Variants in NTM observed in about 807,000 individuals in gnomAD.
The protein encoded by NTM is IgLON family member 2.
Under a neutral mutation model 42.1 loss-of-function variants are expected in NTM, and 13 were observed. That is an observed-to-expected ratio of 0.31 (90% CI 0.20 to 0.49). The LOEUF is 0.49. Ranked by LOEUF, NTM falls within the 20% of genes least tolerant of loss-of-function variation. NTM has a pLI of 0.99. For missense variants in NTM, 373 were observed against 452.8 expected (o/e 0.82, Z 1.60); for synonymous variants, 187 against 179.2 (o/e 1.04, Z -0.35).
chr11:132,318,990 G>A (rs931451294), intron 7 of NTM, among the ~76,000 whole-genome samples: 1 of 152,198 alleles, frequency 6.6e-6, no homozygotes, highest in Non-Finnish European at 1.5e-5. Context: ...TGAGCCACAA[G>A]CAAGAAAATG....
chr11:131,752,580 A>G (rs1255070412), intron 1 of NTM, among the ~76,000 whole-genome samples: 1 of 152,336 alleles, frequency 6.6e-6, no homozygotes, highest in East Asian at 1.9e-4. Flanking sequence ...CTATAAAGAC[A>G]CATGCACATG....
chr11:131,752,707 G>T (rs1021907316), intron 1 of NTM, among the ~76,000 whole-genome samples: 1 of 152,108 alleles, frequency 6.6e-6, no homozygotes, highest in Non-Finnish European at 1.5e-5. Flanking sequence ...GCTGAAACTG[G>T]ATCCCTTCCT....
At chr11:131,512,789 C>T (rs2136474138) in intron 1 of NTM, among the ~76,000 whole-genome samples, 1 of 152,312 alleles carries the variant, frequency 6.6e-6, no homozygotes, top group East Asian at 1.9e-4. Flanking sequence ...GACCAAGATC[C>T]ATGACGAGGA....
At chr11:131,525,960 C>G (rs888722507) in intron 1 of NTM, among the ~76,000 whole-genome samples, 5 of 152,172 alleles carry the variant, frequency 3.3e-5, no homozygotes, top group Non-Finnish European at 4.4e-5. Flanking sequence ...TGTCTCATGG[C>G]TCCATTCAGA....
chr11:131,469,524 G>C (rs2136167960), intron 1 of NTM, among the ~76,000 whole-genome samples: 1 of 152,300 alleles, frequency 6.6e-6, no homozygotes, highest in Non-Finnish European at 1.5e-5. Flanking sequence ...ATAACTGACT[G>C]CAGATCAGGA....
rs1290567936 is a variant in NTM at position 131,487,423 on chromosome 11, A to G, written c.82+116535A>G. ...CAATGAAGGAAATTATGACTCAGATAAGCTAATTGATTGGTTAAAGGTTAC... is the reference window on the plus strand; with the variant it reads ...CAATGAAGGAAATTATGACTCAGATGAGCTAATTGATTGGTTAAAGGTTAC... On this transcript the variant is annotated intron_variant, in intron 1 of 8. Transcript: ENST00000683400. 2.0e-5 allele frequency among the ~76,000 whole-genome samples: 3 copies of G among 152,312 alleles called. No individual in the cohort carries two copies. In the South Asian group the frequency reaches 6.2e-4, roughly 32 times the overall value.
At chr11:131,421,662 C>A (rs1045257755) in intron 1 of NTM, among the ~76,000 whole-genome samples, 28 of 152,324 alleles carry the variant, frequency 1.8e-4, no homozygotes, top group African/African-American at 6.0e-4. Context: ...AGAACTGTCT[C>A]CTATATCCTA....
intron 1 of NTM, among the ~76,000 whole-genome samples, chr11:131,848,090 T>C (rs564896911): frequency 1.3e-5 from 2 of 152,378 alleles, no homozygotes; most frequent in Non-Finnish European, 2.9e-5. Context: ...CTGAGTATCA[T>C]GTAGACGTGG....
chr11:131,962,664 G>A (rs941953772), intron 2 of NTM, among the ~76,000 whole-genome samples: 3 of 152,134 alleles, frequency 2.0e-5, no homozygotes, highest in Non-Finnish European at 4.4e-5. Context: ...GATCTAACTG[G>A]CCAAGACACT....
At chr11:131,609,578 T>C (rs1186752435) in intron 1 of NTM, among the ~76,000 whole-genome samples, 2 of 152,212 alleles carry the variant, frequency 1.3e-5, no homozygotes, top group Non-Finnish European at 2.9e-5. Flanking sequence ...CGAAGACGTC[T>C]TGATGGGGCA....
chr11:132,245,201 G>A lies in NTM; in HGVS notation c.526+33054G>A, dbSNP rs1353665343. ...AACTTTAACAGGGAAGCTGCACCGT[G>A]TGAAGTCTGTTTTCTTGTGGCCGCC... On this transcript the variant is annotated intron_variant, in intron 4 of 8. Coordinates refer to ENST00000683400, the MANE Select transcript of NTM (RefSeq NM_001352005.2). Among the ~76,000 whole-genome samples, 5 of 152,320 alleles carry A rather than the reference G, an allele frequency of 3.3e-5. No individual in the cohort carries two copies. The East Asian group carries it at 9.7e-4, about 29-fold the overall frequency.
intron 2 of NTM, among the ~76,000 whole-genome samples, chr11:131,973,855 G>A (rs549643160): frequency 1.4e-4 from 21 of 152,130 alleles, no homozygotes; most frequent in African/African-American, 4.6e-4. Flanking sequence ...AACTGGCACA[G>A]CATAGGCATT....
intron 1 of NTM, among the ~76,000 whole-genome samples, chr11:131,752,583 T>C (rs1239241856): frequency 1.2e-4 from 19 of 152,164 alleles, no homozygotes; most frequent in Admixed American, 1.2e-3. Flanking sequence ...TAAAGACACA[T>C]GCACATGTAT....
intron 1 of NTM, among the ~76,000 whole-genome samples, chr11:131,822,586 G>A (rs993386925): frequency 3.9e-5 from 6 of 152,130 alleles, no homozygotes; most frequent in African/African-American, 9.7e-5. Flanking sequence ...GCTGCTTTCA[G>A]TGTCTTGAAT....
At chr11:131,468,874 C>T (rs1392339370) in intron 1 of NTM, among the ~76,000 whole-genome samples, 1 of 152,160 alleles carries the variant, frequency 6.6e-6, no homozygotes, top group Non-Finnish European at 1.5e-5. Context: ...TGAAAAGGGG[C>T]AGGTGGTTTG....
intron 1 of NTM, among the ~76,000 whole-genome samples, chr11:131,760,164 G>A (rs569403658): frequency 3.3e-5 from 5 of 152,298 alleles, no homozygotes; most frequent in African/African-American, 9.6e-5. Flanking sequence ...ATGAGAAGAA[G>A]CATGACAACA....
intron 1 of NTM, among the ~76,000 whole-genome samples, chr11:131,525,786 A>C (rs1405344603): frequency 6.6e-6 from 1 of 152,118 alleles, no homozygotes; most frequent in African/African-American, 2.4e-5. Flanking sequence ...TCTGATCTTC[A>C]GCTCCCTCAT....
At chr11:131,596,365 C>T (rs756906604) in intron 1 of NTM, among the ~76,000 whole-genome samples, 1 of 152,178 alleles carries the variant, frequency 6.6e-6, no homozygotes, top group Non-Finnish European at 1.5e-5. Flanking sequence ...ATAAGGTCTC[C>T]ACTGCAAATA....
intron 1 of NTM, among the ~76,000 whole-genome samples, chr11:131,730,434 G>A (rs1337830704): frequency 2.0e-5 from 3 of 152,270 alleles, no homozygotes; most frequent in Non-Finnish European, 2.9e-5. Context: ...GGAAGACAAG[G>A]CCAGGTTCGG....
Sources: gnomAD v4.1 joint callset for allele counts (sites outside exome capture counted in the v4.1 genomes callset) on GRCh38, gnomAD v4.1.1 for gene constraint, MANE v1.5 for transcripts, NCBI Gene and HGNC (gene_info 2026-07-23, HGNC 2026-07-21) for gene names.